RASGRF2: variants seen among roughly 807,000 people sequenced by gnomAD.
RASGRF2 encodes the protein Ras protein specific guanine nucleotide releasing factor 2, also known as ras-specific guanine nucleotide-releasing factor 2.
In RASGRF2, 76 loss-of-function variants were observed where a neutral mutation model predicts 151.0. The ratio of observed to expected loss-of-function variants is 0.50; its 90% CI spans 0.42 to 0.61. The LOEUF is 0.61. Among genes scored for constraint, RASGRF2 ranks in the 20% least tolerant of loss-of-function variants. The pLI is 0.00. For synonymous variants in RASGRF2, 504 were observed against 566.5 expected (o/e 0.89, Z 1.57); for missense variants, 1,148 against 1,564.6 (o/e 0.73, Z 4.49).
intron 1 of RASGRF2, among the ~76,000 whole-genome samples, chr5:81,038,539 T>A (rs1297368589): frequency 1.3e-5 from 2 of 151,438 alleles, no homozygotes; most frequent in African/African-American, 2.4e-5. Flanking sequence ...TATTGAGTTT[T>A]AAAAAAATAT....
In RASGRF2 at chr5:81,112,602, G is replaced by C; in HGVS notation, c.1839-8G>C. The C allele has an allele frequency of 6.2e-7, 1 of 1,613,982 alleles. No homozygotes were observed. Among genetic ancestry groups the C allele is most frequent in the Non-Finnish European group, 8.5e-7 (1 of 1,179,874 alleles). On this transcript the variant is annotated splice_polypyrimidine_tract_variant and splice_region_variant and intron_variant, in intron 13 of 26. Transcript: ENST00000265080. The stretch of plus-strand genomic sequence containing the variant: ...GTTTTACCATCATGTTCCTGCCTTT[G>C]CACGTAGGTCTGATGCCCGTCTTCA...
intron 20 of RASGRF2, 57 bp downstream of exon 20, chr5:81,206,962 C>A: frequency 7.4e-7 from 1 of 1,349,888 alleles, no homozygotes; most frequent in Non-Finnish European, 1.1e-6. Flanking sequence ...CTCTCCAAGG[C>A]GAGCAATATG....
intron 2 of RASGRF2, among the ~76,000 whole-genome samples, chr5:81,048,526 C>G (rs1750909547): frequency 6.6e-6 from 1 of 152,178 alleles, no homozygotes; most frequent in Non-Finnish European, 1.5e-5. Flanking sequence ...CTTTCGTCAG[C>G]TGTCTTTCCA....
intron 2 of RASGRF2, among the ~76,000 whole-genome samples, chr5:81,049,815 G>A (rs1052875246): frequency 6.6e-6 from 1 of 152,118 alleles, no homozygotes; most frequent in Admixed American, 6.5e-5. Context: ...TGGGCAGGCT[G>A]ACTCCAAAAC....
chr5:81,015,701 A>G (rs1749609867), intron 1 of RASGRF2, among the ~76,000 whole-genome samples: 2 of 152,146 alleles, frequency 1.3e-5, no homozygotes. Flanking sequence ...TGAGCATATG[A>G]CATTTTGGAT....
chr5:81,036,579 T>C (rs1026679015), intron 1 of RASGRF2, among the ~76,000 whole-genome samples: 2 of 152,186 alleles, frequency 1.3e-5, no homozygotes, highest in Non-Finnish European at 2.9e-5. Context: ...TATTTTTTGG[T>C]AAATATTTAA....
intron 18 of RASGRF2, among the ~76,000 whole-genome samples, chr5:81,193,597 C>T (rs2112698925): frequency 6.6e-6 from 1 of 152,262 alleles, no homozygotes; most frequent in African/African-American, 2.4e-5. Flanking sequence ...CTCACTGCAA[C>T]CTCTGCCTCC....
At chr5:81,042,841 T>C (rs1289570800) in intron 1 of RASGRF2, 36 bp from the exon 2 acceptor site, 4 of 1,461,794 alleles carry the variant, frequency 2.7e-6, no homozygotes, top group African/African-American at 1.4e-5. Context: ...GCTTGAAAAA[T>C]AGAACTAAGT....
chr5:81,080,924 T>G, intron 7 of RASGRF2, 135 bp downstream of exon 7: 1 of 752,474 alleles, frequency 1.3e-6, no homozygotes, highest in Non-Finnish European at 2.1e-6. Context: ...GTTGCTGTCT[T>G]GAGCTTGACC....
chr5:81,121,137 G>C (rs1339942933), intron 15 of RASGRF2, among the ~76,000 whole-genome samples: 2 of 152,038 alleles, frequency 1.3e-5, no homozygotes, highest in Non-Finnish European at 2.9e-5. Context: ...CAAAAGTGCT[G>C]CTGTGTGAAC....
intron 11 of RASGRF2, 61 bp downstream of exon 11, chr5:81,094,423 G>C: frequency 1.4e-6 from 2 of 1,464,078 alleles, no homozygotes; most frequent in Non-Finnish European, 1.9e-6. Context: ...GAGAGGCTGA[G>C]GATAAACTCC....
At chr5:81,115,297 G>C (rs1233694477) in intron 15 of RASGRF2, among the ~76,000 whole-genome samples, 1 of 152,176 alleles carries the variant, frequency 6.6e-6, no homozygotes, top group East Asian at 1.9e-4. Flanking sequence ...AAATTGACAA[G>C]TTAGCAACTA....
chr5:81,224,035 A>G (rs555333409), intron 26 of RASGRF2, among the ~76,000 whole-genome samples: 1 of 152,346 alleles, frequency 6.6e-6, no homozygotes, highest in South Asian at 2.1e-4. Context: ...TTATTTAAAA[A>G]TCAAAATATA....
intron 12 of RASGRF2, among the ~76,000 whole-genome samples, chr5:81,104,847 G>T (rs185913507): frequency 6.6e-6 from 1 of 152,154 alleles, no homozygotes; most frequent in Non-Finnish European, 1.5e-5. Flanking sequence ...CTTATGTTGG[G>T]AACAGGAGAA....
chr5:81,224,047 GC>G (rs1755919132), intron 26 of RASGRF2, among the ~76,000 whole-genome samples: 1 of 152,058 alleles, frequency 6.6e-6, no homozygotes, highest in Non-Finnish European at 1.5e-5. Context: ...CAAAATATAA[GC>G]AGTAGACAAT....
intron 8 of RASGRF2, 90 bp downstream of exon 8, chr5:81,086,001 A>G: frequency 6.5e-7 from 1 of 1,543,190 alleles, no homozygotes. Flanking sequence ...CTAAGGAACA[A>G]GAAGCAAAAC....
At chr5:81,154,501 A>G (rs936068657) in intron 17 of RASGRF2, among the ~76,000 whole-genome samples, 1 of 152,208 alleles carries the variant, frequency 6.6e-6, no homozygotes, top group South Asian at 2.1e-4. Flanking sequence ...AAGTGCTGAG[A>G]TTATAAGTGT....
At chr5:81,129,467 A>G (rs902815987) in intron 17 of RASGRF2, among the ~76,000 whole-genome samples, 1 of 152,190 alleles carries the variant, frequency 6.6e-6, no homozygotes, top group Non-Finnish European at 1.5e-5. Flanking sequence ...TCTCTAAATA[A>G]ACATTTTGCA....
intron 2 of RASGRF2, among the ~76,000 whole-genome samples, chr5:81,043,438 G>T (rs1561574267): frequency 6.6e-6 from 1 of 152,194 alleles, no homozygotes; most frequent in Non-Finnish European, 1.5e-5. Context: ...GCCTACATTT[G>T]TAAACCCTGC....
Sources: gnomAD v4.1 joint callset for allele counts (sites outside exome capture counted in the v4.1 genomes callset) on GRCh38, gnomAD v4.1.1 for gene constraint, MANE v1.5 for transcripts, NCBI Gene and HGNC (gene_info 2026-07-23, HGNC 2026-07-21) for gene names.